TM9SF2: variants seen among roughly 807,000 people sequenced by gnomAD.
The protein encoded by TM9SF2 is 76 kDa membrane protein.
TM9SF2 carries 13 observed loss-of-function variants against 84.9 expected under a neutral mutation model. The observed-to-expected ratio is 0.15, with a 90% CI of 0.10 to 0.24. TM9SF2 has a LOEUF of 0.24. TM9SF2 is among the 10% of genes least tolerant of loss of function. The pLI, the probability that TM9SF2 is intolerant of heterozygous loss-of-function variation, is 1.00. For missense variants in TM9SF2, 562 were observed against 818.5 expected (o/e 0.69, Z 3.82); for synonymous variants, 273 against 285.8 (o/e 0.96, Z 0.45).
intron 7 of TM9SF2, among the ~76,000 whole-genome samples, chr13:99,540,064 A>T (rs1305104257): frequency 6.6e-6 from 1 of 152,176 alleles, no homozygotes; most frequent in African/African-American, 2.4e-5. Flanking sequence ...AGATTTAATT[A>T]TGAACTTTAA....
intron 9 of TM9SF2, among the ~76,000 whole-genome samples, chr13:99,543,314 T>C (rs1386742355): frequency 1.3e-5 from 2 of 152,252 alleles, no homozygotes; most frequent in Non-Finnish European, 2.9e-5. Flanking sequence ...TTTTGTTTAT[T>C]GTCTGCCTTC....
At chr13:99,536,301 T>G (rs1347910327) in intron 4 of TM9SF2, among the ~76,000 whole-genome samples, 2 of 150,430 alleles carry the variant, frequency 1.3e-5, no homozygotes, top group East Asian at 3.9e-4. Flanking sequence ...TTTTTTTTGT[T>G]TTTTTTTTTT....
intron 1 of TM9SF2, among the ~76,000 whole-genome samples, chr13:99,502,989 GA>G (rs1944300789): frequency 1.3e-5 from 2 of 152,134 alleles, no homozygotes; most frequent in South Asian, 2.1e-4. Flanking sequence ...CCTTGTATCT[GA>G]AAAAATATCT....
chr13:99,536,611 T>A lies in TM9SF2; in HGVS notation c.465T>A (p.Ile155=). ...SMLLNYQHHW[I]VDNMPVTWCY... ...TAACTCCTCTTTCCATGTGTAGGAT[T>A]GTGGATAATATGCCTGTAACGTGGT... Residue 155 remains isoleucine (I), a synonymous_variant, in exon 5 of 17, where the codon ATT becomes ATA. Coordinates refer to ENST00000376387, the MANE Select transcript of TM9SF2 (RefSeq NM_004800.3). 6 of 1,613,354 alleles carry A rather than the reference T, an allele frequency of 3.7e-6. No individual in the cohort carries two copies. The highest frequency in any genetic ancestry group is 5.1e-6 in the Non-Finnish European group (6 of 1,179,488).
intron 3 of TM9SF2, among the ~76,000 whole-genome samples, chr13:99,522,578 C>T (rs1023484275): frequency 2.0e-5 from 3 of 152,174 alleles, no homozygotes; most frequent in Non-Finnish European, 4.4e-5. Flanking sequence ...TTCAGGCATG[C>T]TTTTTAAATT....
chr13:99,542,093 G>T (rs1238875685), intron 9 of TM9SF2, among the ~76,000 whole-genome samples: 1 of 151,288 alleles, frequency 6.6e-6, no homozygotes, highest in Non-Finnish European at 1.5e-5. Context: ...GGAGGCTGCA[G>T]TGAGCCAAGA....
chr13:99,554,265 T>C (rs373190830), intron 13 of TM9SF2, 39 bp from the exon 14 acceptor site: 6 of 1,597,900 alleles, frequency 3.8e-6, no homozygotes, highest in Admixed American at 1.7e-5. Flanking sequence ...TTGAGACAGA[T>C]ACGTAATTAT....
chr13:99,543,158 C>T (rs2046268067), intron 9 of TM9SF2, among the ~76,000 whole-genome samples: 1 of 152,208 alleles, frequency 6.6e-6, no homozygotes, highest in African/African-American at 2.4e-5. Flanking sequence ...CCCTTACCTC[C>T]CTCCGATCTT....
intron 11 of TM9SF2, among the ~76,000 whole-genome samples, chr13:99,547,998 G>T (rs1003893988): frequency 2.0e-5 from 3 of 152,168 alleles, no homozygotes. Flanking sequence ...TTTAATTTCT[G>T]TGAATTTTGT....
intron 9 of TM9SF2, 66 bp downstream of exon 9, chr13:99,541,733 TA>T: frequency 9.8e-7 from 1 of 1,023,224 alleles, no homozygotes; most frequent in South Asian, 1.7e-5. Flanking sequence ...TGCAAAAAGG[TA>T]AAATAATAGC....
At chr13:99,535,349 C>T (rs888709592) in intron 4 of TM9SF2, among the ~76,000 whole-genome samples, 1 of 152,080 alleles carries the variant, frequency 6.6e-6, no homozygotes, top group Non-Finnish European at 1.5e-5. Flanking sequence ...TTATGTAGTA[C>T]TTTCCCTCCA....
intron 3 of TM9SF2, among the ~76,000 whole-genome samples, chr13:99,522,011 C>T (rs1435569436): frequency 6.6e-6 from 1 of 152,078 alleles, no homozygotes; most frequent in Admixed American, 6.6e-5. Context: ...CCGTCTGACG[C>T]CTTTCAAATA....
intron 3 of TM9SF2, among the ~76,000 whole-genome samples, chr13:99,521,426 G>A (rs1415535250): frequency 5.9e-5 from 9 of 152,124 alleles, no homozygotes; most frequent in Admixed American, 1.3e-4. Flanking sequence ...TCCTGGCTTC[G>A]CGTCTCTGCT....
chr13:99,560,592 C>T (rs1038518870), intron 16 of TM9SF2, among the ~76,000 whole-genome samples: 7 of 152,296 alleles, frequency 4.6e-5, no homozygotes, highest in East Asian at 1.9e-4. Flanking sequence ...CAAAAAATAA[C>T]GATCATTGTG....
intron 1 of TM9SF2, among the ~76,000 whole-genome samples, chr13:99,505,917 C>T (rs1159897612): frequency 6.6e-6 from 1 of 152,160 alleles, no homozygotes; most frequent in African/African-American, 2.4e-5. Context: ...AAATGTCTGC[C>T]ACTTTTTTAC....
In TM9SF2 at chr13:99,534,345, T is replaced by C. The variant is rs117984504; in HGVS notation, c.462-2263T>C. Among the ~76,000 whole-genome samples, 525 of 152,268 alleles carry C rather than the reference T, an allele frequency of 3.4e-3. 1 individual carries two copies. The highest frequency in any genetic ancestry group is 6.1e-3 in the Non-Finnish European group (417 of 68,006). Reference sequence around the variant, plus strand: ...GAGAATGATGTGCTGTTTTCAAAAATTCAAAATCCTAATGAATACTCCAAA... The same window carrying C: ...GAGAATGATGTGCTGTTTTCAAAAACTCAAAATCCTAATGAATACTCCAAA... On this transcript the variant is annotated intron_variant, in intron 4 of 16. Coordinates refer to ENST00000376387, the MANE Select transcript of TM9SF2 (RefSeq NM_004800.3).
intron 15 of TM9SF2, 34 bp from the exon 16 acceptor site, chr13:99,559,329 A>C (rs1391507593): frequency 3.6e-5 from 55 of 1,532,134 alleles, no homozygotes; most frequent in Non-Finnish European, 4.4e-5. Context: ...ATTAATTGGA[A>C]TGTAATTCTT....
chr13:99,505,507 T>G (rs894459176), intron 1 of TM9SF2, among the ~76,000 whole-genome samples: 1 of 152,228 alleles, frequency 6.6e-6, no homozygotes, highest in Non-Finnish European at 1.5e-5. Flanking sequence ...TCTGTGTCTT[T>G]TAATATTTTT....
chr13:99,517,155 C>G (rs2139076833), intron 1 of TM9SF2, among the ~76,000 whole-genome samples: 1 of 152,004 alleles, frequency 6.6e-6, no homozygotes, highest in Admixed American at 6.5e-5. Context: ...GCTCTGTCAC[C>G]CAGGCTGGAG....
Sources: gnomAD v4.1 joint callset for allele counts (sites outside exome capture counted in the v4.1 genomes callset) on GRCh38, gnomAD v4.1.1 for gene constraint, MANE v1.5 for transcripts, NCBI Gene and HGNC (gene_info 2026-07-23, HGNC 2026-07-21) for gene names.